The following CSMD1 variants were observed in gnomAD, a reference collection of about 807,000 sequenced individuals.
The protein encoded by CSMD1 is CUB and Sushi multiple domains 1, also known as CUB and sushi domain-containing protein 1.
CSMD1 carries 213 observed loss-of-function variants against 417.5 expected under a neutral mutation model. The observed-to-expected ratio is 0.51, with a 90% CI of 0.46 to 0.57. The LOEUF is 0.57. CSMD1 is among the 20% of genes least tolerant of loss of function. The pLI, the probability that CSMD1 is intolerant of heterozygous loss-of-function variation, is 0.00. For synonymous variants in CSMD1, 2,862 were observed against 1,736.8 expected (o/e 1.65, Z -16.11); for missense variants, 6,923 against 4,529.7 (o/e 1.53, Z -15.17).
intron 1 of CSMD1, among the ~76,000 whole-genome samples, chr8:4,888,594 C>A (rs1393970486): frequency 6.6e-6 from 1 of 151,820 alleles, no homozygotes; most frequent in Non-Finnish European, 1.5e-5. Context: ...CTAAGAAGGA[C>A]TACGGCAGTG....
intron 18 of CSMD1, among the ~76,000 whole-genome samples, chr8:3,376,938 A>C (rs1810344275): frequency 6.6e-6 from 1 of 152,242 alleles, no homozygotes; most frequent in Admixed American, 6.5e-5. Flanking sequence ...GGTTGGATGA[A>C]AACTATCAAA....
At chr8:3,293,600 G>T in intron 25 of CSMD1, among the ~76,000 whole-genome samples, 1 of 152,026 alleles carries the variant, frequency 6.6e-6, no homozygotes, top group African/African-American at 2.4e-5. Flanking sequence ...CTGATACCTT[G>T]TCTTCCTGTT....
intron 1 of CSMD1, among the ~76,000 whole-genome samples, chr8:4,815,375 G>A (rs903839585): frequency 2.6e-5 from 4 of 152,090 alleles, no homozygotes; most frequent in Non-Finnish European, 4.4e-5. Context: ...TGGACACGTA[G>A]CCATGTGGGG....
chr8:4,345,834 C>G (rs965782015), intron 3 of CSMD1, among the ~76,000 whole-genome samples: 1 of 152,086 alleles, frequency 6.6e-6, no homozygotes, highest in Non-Finnish European at 1.5e-5. Context: ...TCCCGAGCAG[C>G]GACCTACATT....
chr8:3,861,455 T>G (rs1179746830), intron 5 of CSMD1, among the ~76,000 whole-genome samples: 1 of 152,198 alleles, frequency 6.6e-6, no homozygotes, highest in East Asian at 1.9e-4. Flanking sequence ...ATGAACAACC[T>G]ATAGCATTTG....
At chr8:3,932,446 G>C (rs918951285) in intron 5 of CSMD1, among the ~76,000 whole-genome samples, 1 of 150,204 alleles carries the variant, frequency 6.7e-6, no homozygotes, top group Admixed American at 6.6e-5. Context: ...TCATAACCCA[G>C]CCTCAGCACG....
At chr8:4,631,917 G>C (rs1001053523) in intron 2 of CSMD1, among the ~76,000 whole-genome samples, 1 of 152,122 alleles carries the variant, frequency 6.6e-6, no homozygotes, top group Non-Finnish European at 1.5e-5. Context: ...TCTATATTGA[G>C]TGGTAAAATC....
At chr8:4,072,079 G>T (rs139012237) in intron 3 of CSMD1, among the ~76,000 whole-genome samples, 1 of 152,222 alleles carries the variant, frequency 6.6e-6, no homozygotes, top group Admixed American at 6.5e-5. Flanking sequence ...GCACTGACAT[G>T]CTTGACCTGA....
At chr8:3,042,856 T>G (rs1333715381) in intron 50 of CSMD1, among the ~76,000 whole-genome samples, 2 of 152,098 alleles carry the variant, frequency 1.3e-5, no homozygotes, top group Non-Finnish European at 2.9e-5. Flanking sequence ...ACTGCAGGAT[T>G]ATACGTACAC....
intron 11 of CSMD1, among the ~76,000 whole-genome samples, chr8:3,484,738 G>C (rs992305686): frequency 6.6e-6 from 1 of 152,120 alleles, no homozygotes. Context: ...TCCAAACTTA[G>C]TAAGAAACAT....
chr8:3,678,110 C>T (rs1042032217), intron 7 of CSMD1, among the ~76,000 whole-genome samples: 20 of 152,016 alleles, frequency 1.3e-4, no homozygotes, highest in Admixed American at 7.9e-4. Flanking sequence ...GAGTGAGCGA[C>T]GCAGAAGACA....
chr8:3,055,601 A>T (rs532668722), intron 49 of CSMD1, among the ~76,000 whole-genome samples: 2 of 152,352 alleles, frequency 1.3e-5, no homozygotes, highest in East Asian at 1.9e-4. Flanking sequence ...CTATTTTTTT[A>T]AAAATGCGAA....
intron 3 of CSMD1, among the ~76,000 whole-genome samples, chr8:4,103,899 G>C (rs1801432212): frequency 6.6e-6 from 1 of 152,134 alleles, no homozygotes; most frequent in South Asian, 2.1e-4. Flanking sequence ...TTCTCTCCAG[G>C]TTCCCAAGGC....
chr8:4,430,075 C>A (rs553245868), intron 2 of CSMD1, among the ~76,000 whole-genome samples: 1 of 152,258 alleles, frequency 6.6e-6, no homozygotes, highest in South Asian at 2.1e-4. Flanking sequence ...AAAGCAGAAA[C>A]AAAACTTAAT....
At chr8:4,080,588 G>A (rs916329848) in intron 3 of CSMD1, among the ~76,000 whole-genome samples, 2 of 152,164 alleles carry the variant, frequency 1.3e-5, no homozygotes, top group African/African-American at 2.4e-5. Flanking sequence ...TATGTATGAT[G>A]TCATAGTTTT....
At chr8:2,992,801 T>G (rs1003336891) in intron 54 of CSMD1, among the ~76,000 whole-genome samples, 1 of 152,088 alleles carries the variant, frequency 6.6e-6, no homozygotes, top group Non-Finnish European at 1.5e-5. Flanking sequence ...GGAAGTGCCG[T>G]GTCTTGGCTC....
rs139656679 is a variant in CSMD1 at position 4,315,318 on chromosome 8, C to T, written c.415+104635G>A. Among the ~76,000 whole-genome samples the T allele has an allele frequency of 4.7e-3, 722 of 152,236 alleles. 3 individuals carry two copies. The highest frequency in any genetic ancestry group is 7.6e-3 in the Non-Finnish European group (514 of 68,020). On this transcript the variant is annotated intron_variant, in intron 3 of 69. Coordinates refer to ENST00000635120, the MANE Select transcript of CSMD1 (RefSeq NM_033225.6). ...GACCCTTTTACCCTAAGGTCCACAGCGTCTTCTAGCTGCTGTTGCTGCACT... is the reference window on the plus strand; with the variant it reads ...GACCCTTTTACCCTAAGGTCCACAGTGTCTTCTAGCTGCTGTTGCTGCACT...
chr8:4,190,872 C>G (rs1205228929), intron 3 of CSMD1, among the ~76,000 whole-genome samples: 1 of 151,446 alleles, frequency 6.6e-6, no homozygotes. Flanking sequence ...ACCACATGAT[C>G]TGACTTCTAA....
At chr8:4,129,212 T>G (rs923565258) in intron 3 of CSMD1, among the ~76,000 whole-genome samples, 1 of 152,202 alleles carries the variant, frequency 6.6e-6, no homozygotes, top group African/African-American at 2.4e-5. Context: ...ATGTTCAAAT[T>G]CAGCAGATTC....
Sources: gnomAD v4.1 joint callset for allele counts (sites outside exome capture counted in the v4.1 genomes callset) on GRCh38, gnomAD v4.1.1 for gene constraint, MANE v1.5 for transcripts, NCBI Gene and HGNC (gene_info 2026-07-23, HGNC 2026-07-21) for gene names.